SLC25A21: variants seen among roughly 807,000 people sequenced by gnomAD.
The protein encoded by SLC25A21 is mitochondrial 2-oxodicarboxylate carrier.
A neutral mutation model predicts 43.8 loss-of-function variants in SLC25A21; 47 were observed. The ratio of observed to expected loss-of-function variants is 1.07; its 90% CI spans 0.85 to 1.37. The LOEUF is 1.37. Ranked by LOEUF, SLC25A21 falls within the 40% of genes most tolerant of loss-of-function variation. The pLI, the probability that SLC25A21 is intolerant of heterozygous loss-of-function variation, is 0.00. For synonymous variants in SLC25A21, 131 were observed against 121.3 expected (o/e 1.08, Z -0.52); for missense variants, 352 against 350.2 (o/e 1.00, Z -0.04).
chr14:37,120,511 TAGAA>T (rs1566895492), intron 1 of SLC25A21, among the ~76,000 whole-genome samples: 1 of 152,228 alleles, frequency 6.6e-6, no homozygotes, highest in South Asian at 2.1e-4. Context: ...TATCCAGAGT[TAGAA>T]AGAAAGAACA....
chr14:36,723,301 G>C (rs1884450736), intron 6 of SLC25A21, among the ~76,000 whole-genome samples: 1 of 152,190 alleles, frequency 6.6e-6, no homozygotes, highest in Non-Finnish European at 1.5e-5. Flanking sequence ...TGCCCATAAT[G>C]TGCCACATCA....
At chr14:37,023,795 C>G (rs948337345) in intron 1 of SLC25A21, among the ~76,000 whole-genome samples, 1 of 151,896 alleles carries the variant, frequency 6.6e-6, no homozygotes, top group African/African-American at 2.4e-5. Flanking sequence ...GTCTCCCCAC[C>G]GCCATCTGCC....
intron 1 of SLC25A21, among the ~76,000 whole-genome samples, chr14:36,914,629 C>T (rs761185809): frequency 6.6e-6 from 1 of 151,928 alleles, no homozygotes; most frequent in African/African-American, 2.4e-5. Flanking sequence ...ATAATCAGGG[C>T]TAATTGGTAT....
intron 2 of SLC25A21, among the ~76,000 whole-genome samples, chr14:36,850,621 A>C (rs1889696656): frequency 6.6e-6 from 1 of 152,146 alleles, no homozygotes; most frequent in African/African-American, 2.4e-5. Context: ...ACCATCCTGG[A>C]AAAGTAGTTG....
At chr14:36,978,182 C>G (rs1216310641) in intron 1 of SLC25A21, among the ~76,000 whole-genome samples, 3 of 152,118 alleles carry the variant, frequency 2.0e-5, no homozygotes. Flanking sequence ...TACAATAATT[C>G]TAAGGCAGCA....
At chr14:37,162,121 GT>G (rs1208322774) in intron 1 of SLC25A21, among the ~76,000 whole-genome samples, 1 of 152,094 alleles carries the variant, frequency 6.6e-6, no homozygotes, top group Non-Finnish European at 1.5e-5. Context: ...TAGGAGAGAG[GT>G]GTGGGTCAGA....
chr14:36,808,932 G>A (rs1888136714), intron 3 of SLC25A21: 1 of 152,132 alleles, frequency 6.6e-6, no homozygotes, highest in Non-Finnish European at 1.5e-5. Context: ...AGACTGTTCT[G>A]GGTTTACAAC....
intron 1 of SLC25A21, among the ~76,000 whole-genome samples, chr14:36,985,601 G>T (rs1161193306): frequency 6.6e-6 from 1 of 152,064 alleles, no homozygotes; most frequent in Non-Finnish European, 1.5e-5. Flanking sequence ...ATTAGATTCA[G>T]ACACTAAAAC....
intron 1 of SLC25A21, among the ~76,000 whole-genome samples, chr14:36,883,487 T>G (rs916706007): frequency 6.6e-6 from 1 of 152,222 alleles, no homozygotes; most frequent in African/African-American, 2.4e-5. Context: ...GTGTACCAAC[T>G]TCTAACATAC....
At chr14:36,778,759 G>C (rs1886928499) in intron 3 of SLC25A21, among the ~76,000 whole-genome samples, 1 of 152,140 alleles carries the variant, frequency 6.6e-6, no homozygotes, top group African/African-American at 2.4e-5. Context: ...GGTATATATT[G>C]TGAAATAATT....
chr14:36,767,982 CCACATCTGGGCCGGCTCCCGTGG>C (rs1390008390), intron 3 of SLC25A21, among the ~76,000 whole-genome samples: 2 of 152,150 alleles, frequency 1.3e-5, no homozygotes, highest in East Asian at 3.9e-4. Context: ...TAATCCTGGC[CCACATCTGGGCCGGCTCCCGTGG>C]CACAGTTTCA....
chr14:37,143,897 C>A (rs1963615162), intron 1 of SLC25A21, among the ~76,000 whole-genome samples: 1 of 152,166 alleles, frequency 6.6e-6, no homozygotes, highest in African/African-American at 2.4e-5. Flanking sequence ...ACATCTAACA[C>A]ATTACAAAGT....
chr14:36,804,406 A>G (rs1369037395), intron 3 of SLC25A21, among the ~76,000 whole-genome samples: 2 of 152,190 alleles, frequency 1.3e-5, no homozygotes, highest in Non-Finnish European at 2.9e-5. Flanking sequence ...CCCAGCCCCA[A>G]CAAATACAGC....
Position 37,105,755 on chromosome 14 carries a change from T to C in SLC25A21, c.70+66526A>G, listed in dbSNP as rs192809812. On this transcript the variant is annotated intron_variant, in intron 1 of 9. Coordinates refer to ENST00000331299, the MANE Select transcript of SLC25A21 (RefSeq NM_030631.4). ...TATTAGCAGAATAGAATAGAATTAGTAGAATTCTAGTAGTAGAATTCAGAA... is the reference window on the plus strand; with the variant it reads ...TATTAGCAGAATAGAATAGAATTAGCAGAATTCTAGTAGTAGAATTCAGAA... Among the ~76,000 whole-genome samples, 3 of 152,210 alleles carry C rather than the reference T, an allele frequency of 2.0e-5. No individual in the cohort carries two copies. The East Asian group carries it at 5.8e-4, about 29-fold the overall frequency.
At chr14:36,962,568 TG>T (rs1959520669) in intron 1 of SLC25A21, among the ~76,000 whole-genome samples, 1 of 152,186 alleles carries the variant, frequency 6.6e-6, no homozygotes, top group Non-Finnish European at 1.5e-5. Flanking sequence ...ATTTCACTTA[TG>T]CAATACTCTT....
chr14:36,895,100 G>A (rs571794743), intron 1 of SLC25A21, among the ~76,000 whole-genome samples: 30 of 152,320 alleles, frequency 2.0e-4, no homozygotes, highest in African/African-American at 6.3e-4. Context: ...GATTGGAATA[G>A]TTTCAGAAGG....
At chr14:36,862,762 A>C (rs1890108504) in intron 2 of SLC25A21, among the ~76,000 whole-genome samples, 1 of 152,194 alleles carries the variant, frequency 6.6e-6, no homozygotes, top group African/African-American at 2.4e-5. Flanking sequence ...GTATAATTTA[A>C]AAAAAGGAGA....
At chr14:37,079,068 C>T (rs1032046068) in intron 1 of SLC25A21, among the ~76,000 whole-genome samples, 1 of 152,160 alleles carries the variant, frequency 6.6e-6, no homozygotes, top group Non-Finnish European at 1.5e-5. Flanking sequence ...TTTAAATCAT[C>T]ACTTCAAAAT....
At chr14:36,765,357 G>C (rs1886374523) in intron 3 of SLC25A21, among the ~76,000 whole-genome samples, 1 of 152,224 alleles carries the variant, frequency 6.6e-6, no homozygotes, top group African/African-American at 2.4e-5. Flanking sequence ...ACATGGAGCA[G>C]AGGGGAAGCA....
Sources: allele counts gnomAD v4.1 joint callset (sites outside exome capture counted in the v4.1 genomes callset), GRCh38; gene constraint gnomAD v4.1.1; transcripts MANE v1.5; gene names NCBI Gene and HGNC (gene_info 2026-07-23, HGNC 2026-07-21).